PARVB: variants seen among roughly 807,000 people sequenced by gnomAD.
PARVB encodes beta-parvin.
PARVB carries 46 observed loss-of-function variants against 47.0 expected under a neutral mutation model. The observed-to-expected ratio is 0.98, with a 90% confidence interval of 0.77 to 1.25. The LOEUF is 1.25. PARVB is among the 50% of genes most tolerant of loss of function. PARVB has a pLI of 0.00. For missense variants in PARVB, 473 were observed against 471.6 expected, an observed-to-expected ratio of 1.00 and a Z score of -0.03; for synonymous variants, 196 against 196.3, an observed-to-expected ratio of 1.00 and a Z score of 0.01.
intron 10 of PARVB, among the ~76,000 whole-genome samples, chr22:44,156,954 G>T (rs922102953): frequency 3.3e-5 from 5 of 152,206 alleles, no homozygotes; most frequent in African/African-American, 4.8e-5. Flanking sequence ...GGTGGTGAGG[G>T]TGACCCAACA....
intron 2 of PARVB, among the ~76,000 whole-genome samples, chr22:44,011,727 C>T (rs896264992): frequency 6.6e-6 from 1 of 152,122 alleles, no homozygotes; most frequent in Non-Finnish European, 1.5e-5. Context: ...TCTTCCCTGG[C>T]CACAGCAATG....
intron 2 of PARVB, among the ~76,000 whole-genome samples, chr22:44,007,869 T>A (rs1194952502): frequency 6.6e-6 from 1 of 152,156 alleles, no homozygotes; most frequent in Non-Finnish European, 1.5e-5. Flanking sequence ...CTACTTCCTG[T>A]CGCTATTAAT....
At chr22:44,016,964 C>T (rs1233907692) in intron 2 of PARVB, among the ~76,000 whole-genome samples, 1 of 152,178 alleles carries the variant, frequency 6.6e-6, no homozygotes, top group Non-Finnish European at 1.5e-5. Context: ...CAACCTCTGC[C>T]TCCTGGGTTC....
intron 3 of PARVB, chr22:44,106,436 C>T (rs904097540): frequency 2.6e-5 from 4 of 152,198 alleles, no homozygotes; most frequent in African/African-American, 9.7e-5. Flanking sequence ...GAAGCCACCT[C>T]CCAGTGGTTC....
intron 3 of PARVB, among the ~76,000 whole-genome samples, chr22:44,102,413 C>T (rs2052470298): frequency 6.6e-6 from 1 of 152,220 alleles, no homozygotes; most frequent in Non-Finnish European, 1.5e-5. Flanking sequence ...ATCCCATGCA[C>T]CTTTCTAAAG....
chr22:44,150,081 C>T (rs5764100), intron 9 of PARVB: 12,972 of 151,578 alleles, frequency 0.086, 804 homozygotes, highest in South Asian at 0.28. Context: ...GGCGTGAACC[C>T]GGGAGGTGGA....
chr22:44,098,211 C>G (rs1310386331), intron 2 of PARVB, among the ~76,000 whole-genome samples: 1 of 152,200 alleles, frequency 6.6e-6, no homozygotes, highest in Non-Finnish European at 1.5e-5. Flanking sequence ...TGCTCACTCT[C>G]CGTCCTGCAC....
intron 2 of PARVB, among the ~76,000 whole-genome samples, chr22:44,098,662 C>T (rs1601597752): frequency 6.6e-6 from 1 of 152,262 alleles, no homozygotes; most frequent in East Asian, 1.9e-4. Flanking sequence ...ACTCCCTGCA[C>T]ATTACCTGGA....
chr22:44,002,265 G>A (rs953019051), intron 2 of PARVB, among the ~76,000 whole-genome samples: 15 of 152,234 alleles, frequency 9.9e-5, no homozygotes, highest in Admixed American at 7.2e-4. Flanking sequence ...CTGATCTATC[G>A]TTGTCCAAAG....
intron 1 of PARVB, among the ~76,000 whole-genome samples, chr22:44,047,180 C>T (rs1412877540): frequency 2.6e-5 from 4 of 152,206 alleles, no homozygotes; most frequent in Non-Finnish European, 5.9e-5. Context: ...TTACTTGGCT[C>T]CTGTTTCTGC....
At chr22:44,161,778 C>T (rs1048031065) in intron 11 of PARVB, among the ~76,000 whole-genome samples, 5 of 152,194 alleles carry the variant, frequency 3.3e-5, no homozygotes, top group African/African-American at 1.2e-4. Flanking sequence ...CAGGTCGCTC[C>T]CTGCTCTCTC....
chr22:44,108,208 G>A (rs537960556), intron 3 of PARVB: 4 of 152,294 alleles, frequency 2.6e-5, no homozygotes, highest in African/African-American at 9.6e-5. Context: ...TTTATAGTAA[G>A]TTGGTAATCC....
upstream of PARVB, among the ~76,000 whole-genome samples, chr22:44,023,774 C>T (rs1348143360): frequency 1.3e-5 from 2 of 152,090 alleles, no homozygotes; most frequent in African/African-American, 2.4e-5. Context: ...GGGGCCTCCC[C>T]GTCGCCTCTT....
intron 1 of PARVB, among the ~76,000 whole-genome samples, chr22:44,037,185 A>G (rs1370806702): frequency 1.3e-5 from 2 of 152,032 alleles, no homozygotes; most frequent in African/African-American, 4.8e-5. Flanking sequence ...ACAACAAAAA[A>G]AGAAAAAACA....
chr22:44,142,274 A>C (rs2053567223), intron 8 of PARVB: 2 of 148,646 alleles, frequency 1.3e-5, no homozygotes, highest in Non-Finnish European at 3.0e-5. Context: ...GCTACTCGGG[A>C]GGCTGATGCA....
intron 1 of PARVB, among the ~76,000 whole-genome samples, chr22:44,088,978 G>A (rs570096069): frequency 1.3e-5 from 2 of 152,282 alleles, no homozygotes; most frequent in African/African-American, 2.4e-5. Context: ...ATTTATAAAT[G>A]GGGAGATTCC....
chr22:44,098,586 C>T (rs12169088), intron 2 of PARVB, among the ~76,000 whole-genome samples: 33,466 of 151,974 alleles, frequency 0.22, 3,993 homozygotes, highest in African/African-American at 0.29. Flanking sequence ...AGGACGCCGG[C>T]CTTGATCCCA....
chr22:44,106,150 T>C (rs1204682158), intron 3 of PARVB: 1 of 147,648 alleles, frequency 6.8e-6, no homozygotes, highest in African/African-American at 2.5e-5. Context: ...TTTTTTTTTT[T>C]TTTTTTTTTT....
In PARVB at chr22:44,089,338, C is replaced by T. The variant is rs1441599629; in HGVS notation, c.113-4590C>T. ...AGGCGGTCTTTTTCCCTTAATCACCCATCTCATGAAATCAAGCCCCAGTCC... is the reference window on the plus strand; with the variant it reads ...AGGCGGTCTTTTTCCCTTAATCACCTATCTCATGAAATCAAGCCCCAGTCC... On this transcript the variant is annotated intron_variant, in intron 1 of 12. Coordinates refer to ENST00000338758, the MANE Select transcript of PARVB (RefSeq NM_013327.5). This position sits in a 1 kb window ranked among gnomAD's most constrained non-coding sequence, Gnocchi z 4.0. 1 of 152,302 alleles carries T rather than the reference C, an allele frequency of 6.6e-6. No homozygotes were observed. Among genetic ancestry groups the T allele is most frequent in the African/African-American group, 2.4e-5 (1 of 41,444 alleles). The allele number at this position is 152,302 out of a possible 1,614,324, so 9.4% of individuals were successfully genotyped here. A position where few individuals can be genotyped will look rare whatever the true frequency, so the allele number is the denominator to read the frequency against.
Sources: gnomAD v4.1 joint callset for allele counts (sites outside exome capture counted in the v4.1 genomes callset) on GRCh38, gnomAD v4.1.1 for gene constraint, Gnocchi (gnomAD v3.1) non-coding constraint, MANE v1.5 for transcripts, NCBI Gene and HGNC (gene_info 2026-07-23, HGNC 2026-07-21) for gene names.